CEMIP: variants seen among roughly 807,000 people sequenced by gnomAD.
CEMIP encodes the protein cell migration inducing hyaluronidase 1.
Under a neutral mutation model 156.9 loss-of-function variants are expected in CEMIP, and 105 were observed. The observed-to-expected ratio is 0.67, with a 90% confidence interval of 0.57 to 0.79. CEMIP has a LOEUF of 0.79. Ranked by LOEUF, CEMIP falls within the 30% of genes least tolerant of loss-of-function variation. The pLI is 0.00. For synonymous variants in CEMIP, 676 were observed against 668.4 expected, an observed-to-expected ratio of 1.01 and a Z score of -0.17; for missense variants, 1,457 against 1,769.4, an observed-to-expected ratio of 0.82 and a Z score of 3.17.
chr15:80,864,953 G>A (rs752291458), intron 1 of CEMIP, among the ~76,000 whole-genome samples: 25 of 152,130 alleles, frequency 1.6e-4, no homozygotes, highest in Admixed American at 3.3e-4. Flanking sequence ...TGATGCTGCT[G>A]TTCAGGGAAT....
chr15:80,846,105 G>A (rs1470152550), intron 1 of CEMIP, among the ~76,000 whole-genome samples: 2 of 152,192 alleles, frequency 1.3e-5, no homozygotes, highest in African/African-American at 4.8e-5. Context: ...TTTGGGCCAG[G>A]CCAGGTGGCA....
At chr15:80,903,614 C>G (rs146721371) in intron 12 of CEMIP, among the ~76,000 whole-genome samples, 280 of 152,250 alleles carry the variant, frequency 1.8e-3, no homozygotes, top group Middle Eastern at 0.01. Context: ...AAACGGGGAG[C>G]TGAGTTTTGC....
intron 9 of CEMIP, 61 bp from the exon 10 acceptor site, chr15:80,889,410 G>T: frequency 6.2e-7 from 1 of 1,612,042 alleles, no homozygotes; most frequent in South Asian, 1.1e-5. Context: ...AGACAACACT[G>T]AGTGTGACTT....
chr15:80,923,484 G>A (rs1317036774), intron 17 of CEMIP, among the ~76,000 whole-genome samples: 4 of 152,166 alleles, frequency 2.6e-5, no homozygotes, highest in Non-Finnish European at 5.9e-5. Flanking sequence ...CCTAGCAGGT[G>A]TGGAGAGGCT....
intron 1 of CEMIP, among the ~76,000 whole-genome samples, chr15:80,838,524 C>A (rs1457571646): frequency 6.6e-6 from 1 of 152,020 alleles, no homozygotes; most frequent in Non-Finnish European, 1.5e-5. Context: ...CATTGCTGCC[C>A]AAATATGATG....
intron 8 of CEMIP, among the ~76,000 whole-genome samples, chr15:80,888,404 C>T (rs1014390066): frequency 2.0e-5 from 3 of 152,060 alleles, no homozygotes; most frequent in Non-Finnish European, 4.4e-5. Flanking sequence ...GCAAAGGCTG[C>T]GGGAAGCGCT....
chr15:80,813,453 G>C (rs909315781), intron 1 of CEMIP, among the ~76,000 whole-genome samples: 3 of 149,406 alleles, frequency 2.0e-5, no homozygotes, highest in Admixed American at 1.3e-4. Context: ...GGGTTCAAGC[G>C]ATTCTCCTGC....
intron 28 of CEMIP, chr15:80,946,160 G>A (rs1373487534): frequency 2.0e-5 from 3 of 152,284 alleles, no homozygotes; most frequent in Non-Finnish European, 4.4e-5. Flanking sequence ...ACGACATGGT[G>A]TTCTCCCAGA....
At chr15:80,875,993 G>T (rs1218252963) in intron 3 of CEMIP, among the ~76,000 whole-genome samples, 1 of 152,228 alleles carries the variant, frequency 6.6e-6, no homozygotes, top group Non-Finnish European at 1.5e-5. Context: ...CAAAGTCTAT[G>T]CAAACTCCTG....
chr15:80,782,294 C>T (rs995086465), intron 1 of CEMIP, among the ~76,000 whole-genome samples: 1 of 152,178 alleles, frequency 6.6e-6, no homozygotes, highest in African/African-American at 2.4e-5. Flanking sequence ...GTTTCTAGAT[C>T]ACTCCAGGAT....
At chr15:80,900,591 T>G (rs1053510004) in intron 12 of CEMIP, among the ~76,000 whole-genome samples, 3 of 86,616 alleles carry the variant, frequency 3.5e-5, no homozygotes, top group Admixed American at 1.2e-4. Flanking sequence ...TAGGGGTGTG[T>G]GTGTGTGTGT....
chr15:80,906,015 GATA>G lies in CEMIP; in HGVS notation c.1412-647_1412-645del, dbSNP rs888927926. On this transcript the variant is annotated intron_variant, in intron 12 of 29. Coordinates refer to ENST00000394685, the MANE Select transcript of CEMIP (RefSeq NM_001293298.2). The surrounding 1 kb of genome is among the most constrained non-coding windows in gnomAD (Gnocchi z 4.3). ...GCTCTTTCTGGAGCCCCAGGCTGTA[GATA>G]CACACTCTACATGAGGCTGAGGTAA... Among the ~76,000 whole-genome samples the G allele has an allele frequency of 1.6e-4, 25 of 152,250 alleles. No individual in the cohort carries two copies. The highest frequency in any genetic ancestry group is 5.3e-4 in the African/African-American group (22 of 41,466).
chr15:80,870,642 G>A (rs1408727253), intron 1 of CEMIP, among the ~76,000 whole-genome samples: 1 of 152,050 alleles, frequency 6.6e-6, no homozygotes, highest in African/African-American at 2.4e-5. Context: ...AGAGAGCAAC[G>A]CCAGCAAGCA....
chr15:80,915,602 G>A (rs1486738707), intron 14 of CEMIP, among the ~76,000 whole-genome samples: 2 of 152,040 alleles, frequency 1.3e-5, no homozygotes, highest in South Asian at 2.1e-4. Context: ...GATCAGCACC[G>A]AAACCAACAC....
rs560325906 is a variant in CEMIP at position 80,886,164 on chromosome 15, C to T, written c.798-1530C>T. Among the ~76,000 whole-genome samples, 69 of 152,180 alleles carry T rather than the reference C, an allele frequency of 4.5e-4. No individual in the cohort carries two copies. The South Asian group carries it at 4.6e-3, about 10-fold the overall frequency. ...GTGGGCAAGTGTAGTTTAGTGCAGA[C>T]GAACACATGAGGATGAGGCCAAGCT... On this transcript the variant is annotated intron_variant, in intron 7 of 29. Coordinates refer to ENST00000394685, the MANE Select transcript of CEMIP (RefSeq NM_001293298.2).
intron 1 of CEMIP, among the ~76,000 whole-genome samples, chr15:80,863,001 C>T (rs549731066): frequency 6.6e-6 from 1 of 152,254 alleles, no homozygotes; most frequent in East Asian, 1.9e-4. Flanking sequence ...GAGGCCAGGA[C>T]CCTTCCTCGC....
chr15:80,840,420 C>T (rs1474662434), intron 1 of CEMIP, among the ~76,000 whole-genome samples: 3 of 152,178 alleles, frequency 2.0e-5, no homozygotes, highest in Non-Finnish European at 4.4e-5. Context: ...GGCTGGCCCA[C>T]GGGTAATGCC....
chr15:80,872,234 A>G (rs954438499), intron 1 of CEMIP, among the ~76,000 whole-genome samples: 1 of 152,134 alleles, frequency 6.6e-6, no homozygotes, highest in Admixed American at 6.5e-5. Flanking sequence ...AGTGTGGGAG[A>G]GTATCTGTTT....
chr15:80,848,342 G>A (rs992863074), intron 1 of CEMIP, among the ~76,000 whole-genome samples: 2 of 152,164 alleles, frequency 1.3e-5, no homozygotes, highest in Non-Finnish European at 2.9e-5. Context: ...TTTAGTTCTG[G>A]ACAGCCGCCC....
Sources: allele counts gnomAD v4.1 joint callset (sites outside exome capture counted in the v4.1 genomes callset), GRCh38; gene constraint gnomAD v4.1.1; non-coding constraint Gnocchi (gnomAD v3.1); transcripts MANE v1.5; gene names NCBI Gene and HGNC (gene_info 2026-07-23, HGNC 2026-07-21).